Variants in RGS9 observed in about 807,000 individuals in gnomAD.
RGS9 encodes regulator of G protein signaling 9.
In RGS9, 78 loss-of-function variants were observed where a neutral mutation model predicts 102.0. The ratio of observed to expected loss-of-function variants is 0.76; its 90% CI spans 0.64 to 0.92. The LOEUF (loss-of-function observed/expected upper bound fraction) is 0.92. Among genes scored for constraint, RGS9 ranks in the 40% least tolerant of loss-of-function variants. RGS9 has a pLI of 0.00. For synonymous variants in RGS9, 353 were observed against 318.6 expected, an observed-to-expected ratio of 1.11 and a Z score of -1.15; for missense variants, 833 against 866.1, an observed-to-expected ratio of 0.96 and a Z score of 0.48.
At chr17:65,139,102 TCCC>T (rs1910044306) in intron 1 of RGS9, among the ~76,000 whole-genome samples, 1 of 5,664 alleles carries the variant, frequency 1.8e-4, no homozygotes, top group Non-Finnish European at 6.0e-4. Context: ...ACCCCAGCTC[TCCC>T]CCCTCCACCC....
chr17:65,199,488 CTTTTTTTTTTTTTT>C lies in RGS9; in HGVS notation c.976+2259_976+2272del, dbSNP rs3034101. 5.6e-3 allele frequency among the ~76,000 whole-genome samples: 604 copies of C among 108,382 alleles called. 5 individuals are homozygous for C. The highest frequency in any genetic ancestry group is 0.022 in the African/African-American group (566 of 25,858). The allele number at this position is 108,382 out of a possible 152,430, so 71.1% of individuals were successfully genotyped here. On this transcript the variant is annotated intron_variant, in intron 13 of 18. Transcript: ENST00000262406. Reference sequence around the variant, plus strand: ...TCAGCATATAACAGCGCTTCTGTTCCTTTTTTTTTTTTTTTTTTTTTTTTTGACAAATTCTCACT... The same window carrying C: ...TCAGCATATAACAGCGCTTCTGTTCCTTTTTTTTTTTGACAAATTCTCACT...
chr17:65,172,929 T>C (rs1363904615), intron 8 of RGS9, among the ~76,000 whole-genome samples: 1 of 149,474 alleles, frequency 6.7e-6, no homozygotes, highest in Non-Finnish European at 1.5e-5. Context: ...TTTCTTTCTT[T>C]CTTTTTTTTT....
At chr17:65,163,181 TA>T in intron 7 of RGS9, 92 bp downstream of exon 7, 19 of 652,002 alleles carry the variant, frequency 2.9e-5, no homozygotes, top group Non-Finnish European at 4.1e-5. Flanking sequence ...TTTTTATTTT[TA>T]TTTTTTTTTT....
intron 13 of RGS9, among the ~76,000 whole-genome samples, chr17:65,197,918 TC>T (rs1912660166): frequency 6.6e-6 from 1 of 152,056 alleles, no homozygotes; most frequent in Admixed American, 6.6e-5. Flanking sequence ...TGATCTGCCC[TC>T]CCCAGCCTCC....
chr17:65,204,400 T>TGG, intron 15 of RGS9, 99 bp downstream of exon 15: 7 of 1,413,898 alleles, frequency 5.0e-6, no homozygotes, highest in Non-Finnish European at 6.8e-6. Context: ...AGAGGATACG[T>TGG]GGATAGAGCT....
At chr17:65,191,072 G>A (rs930097446) in intron 11 of RGS9, among the ~76,000 whole-genome samples, 1 of 152,156 alleles carries the variant, frequency 6.6e-6, no homozygotes, top group Non-Finnish European at 1.5e-5. Context: ...GAGAAAATAT[G>A]CCCTGACCCC....
At position 65,227,617 on chromosome 17, in the gene RGS9, C is replaced by A. The variant is rs943911209; in HGVS notation, c.*210C>A. On this transcript the variant is annotated 3_prime_UTR_variant, in exon 19 of 19. Transcript: ENST00000262406. ...CCTTCTCCTCTTCCTGACCCTCCCT[C>A]CCCTGGGCAGAAGAAACGCATGTGG... The A allele has an allele frequency of 3.6e-5, 23 of 635,678 alleles. No homozygotes were observed. The highest frequency in any genetic ancestry group is 5.7e-5 in the Non-Finnish European group (21 of 365,446). 39.4% of individuals were successfully genotyped at this position (635,678 alleles called of 1,614,324 possible).
At chr17:65,171,813 TGA>T (rs1911431342) in intron 8 of RGS9, among the ~76,000 whole-genome samples, 1 of 152,226 alleles carries the variant, frequency 6.6e-6, no homozygotes, top group Non-Finnish European at 1.5e-5. Flanking sequence ...AGTACAGATC[TGA>T]GCACGATGCA....
At chr17:65,200,863 A>G (rs547564415) in intron 13 of RGS9, among the ~76,000 whole-genome samples, 1 of 152,238 alleles carries the variant, frequency 6.6e-6, no homozygotes, top group African/African-American at 2.4e-5. Flanking sequence ...ATGAAAAGGT[A>G]TCATGAATCC....
intron 17 of RGS9, among the ~76,000 whole-genome samples, chr17:65,218,498 A>G (rs1913592936): frequency 1.3e-5 from 2 of 152,198 alleles, no homozygotes; most frequent in South Asian, 4.1e-4. Context: ...AGGGGAAGGA[A>G]TGTGGACTTT....
At chr17:65,177,615 A>T (rs1911694678) in intron 8 of RGS9, 117 bp from the exon 9 acceptor site, 3 of 1,029,220 alleles carry the variant, frequency 2.9e-6, no homozygotes, top group South Asian at 2.5e-5. Flanking sequence ...CCCATGGGCT[A>T]GGCCACAAGC....
At chr17:65,210,673 C>T (rs1913259446) in intron 17 of RGS9, 68 bp downstream of exon 17, 1 of 1,602,712 alleles carries the variant, frequency 6.2e-7, no homozygotes, top group Admixed American at 1.7e-5. Context: ...ATCTGTGATT[C>T]CTGGGGGTGG....
At chr17:65,178,712 C>T (rs571582213) in intron 9 of RGS9, among the ~76,000 whole-genome samples, 3 of 152,216 alleles carry the variant, frequency 2.0e-5, no homozygotes, top group African/African-American at 4.8e-5. Flanking sequence ...TCTATGTTGC[C>T]CAGGCTGGTC....
chr17:65,190,009 T>A (rs1171146587), intron 10 of RGS9, among the ~76,000 whole-genome samples, 166 bp from the exon 11 acceptor site: 2 of 152,134 alleles, frequency 1.3e-5, no homozygotes, highest in African/African-American at 4.8e-5. Context: ...AAGTCTGTGG[T>A]CATCTGTCCA....
At chr17:65,206,647 G>A (rs1018526255) in intron 15 of RGS9, among the ~76,000 whole-genome samples, 2 of 152,078 alleles carry the variant, frequency 1.3e-5, no homozygotes, top group Admixed American at 6.6e-5. Flanking sequence ...ACTGCAATCC[G>A]GCCTGGGCGA....
chr17:65,167,954 T>G (rs999503184), intron 7 of RGS9, among the ~76,000 whole-genome samples: 7 of 152,148 alleles, frequency 4.6e-5, no homozygotes, highest in Admixed American at 2.0e-4. Flanking sequence ...TGCCCTGAAC[T>G]TTGAAGTAAG....
intron 12 of RGS9, among the ~76,000 whole-genome samples, chr17:65,193,965 A>T (rs80134552): frequency 0.093 from 14,148 of 152,190 alleles, 1,187 homozygotes; most frequent in African/African-American, 0.22. Flanking sequence ...TTTCACAAGT[A>T]GAAGAGGAAC....
intron 14 of RGS9, among the ~76,000 whole-genome samples, chr17:65,203,375 G>A (rs754758838): frequency 1.2e-4 from 19 of 152,062 alleles, no homozygotes; most frequent in Non-Finnish European, 2.5e-4. Flanking sequence ...ACACAGTGAC[G>A]CACACACAAC....
intron 9 of RGS9, among the ~76,000 whole-genome samples, chr17:65,181,965 C>T (rs1207533739): frequency 6.6e-6 from 1 of 152,160 alleles, no homozygotes; most frequent in Non-Finnish European, 1.5e-5. Context: ...CCTCAGACTC[C>T]ATGTTAGGGT....
Sources: gnomAD v4.1 joint callset for allele counts (sites outside exome capture counted in the v4.1 genomes callset) on GRCh38, gnomAD v4.1.1 for gene constraint, MANE v1.5 for transcripts, NCBI Gene and HGNC (gene_info 2026-07-23, HGNC 2026-07-21) for gene names.